GMDS: variants seen among roughly 807,000 people sequenced by gnomAD.
GMDS encodes the protein GDP-mannose 4,6 dehydratase.
A neutral mutation model predicts 49.9 loss-of-function variants in GMDS; 20 were observed. That is an observed-to-expected ratio of 0.40 (90% CI 0.28 to 0.58). The LOEUF is 0.58. Among genes scored for constraint, GMDS ranks in the 20% least tolerant of loss-of-function variants. The probability of loss-of-function intolerance (pLI) is 0.42; values close to 1 mark genes in which losing one functional copy is unlikely to be tolerated. For missense variants in GMDS, 362 were observed against 481.4 expected (o/e 0.75, Z 2.32); for synonymous variants, 177 against 178.6 (o/e 0.99, Z 0.07).
At chr6:1,728,518 C>T (rs1467451452) in intron 8 of GMDS, among the ~76,000 whole-genome samples, 3 of 152,220 alleles carry the variant, frequency 2.0e-5, no homozygotes, top group Admixed American at 1.3e-4. Context: ...CACCAATATT[C>T]CACTGTTCTT....
intron 7 of GMDS, among the ~76,000 whole-genome samples, chr6:1,877,643 T>TCAAAAAAAAAAAA (rs776232284): frequency 3.9e-5 from 2 of 51,826 alleles, no homozygotes; most frequent in African/African-American, 8.5e-5. Context: ...ATCTCAAAAA[T>TCAAAAAAAAAAAA]TAAAAAAAAA....
intron 9 of GMDS, among the ~76,000 whole-genome samples, chr6:1,720,289 G>A (rs1486183471): frequency 6.6e-6 from 1 of 152,054 alleles, no homozygotes; most frequent in East Asian, 1.9e-4. Context: ...TGGCCCTTGG[G>A]GATTTGTATG....
chr6:2,206,380 C>T (rs532126375), intron 1 of GMDS, among the ~76,000 whole-genome samples: 1 of 152,120 alleles, frequency 6.6e-6, no homozygotes, highest in South Asian at 2.1e-4. Flanking sequence ...GGTCAGACTC[C>T]AGGGGTGCCT....
At chr6:2,141,459 T>C (rs1308360530) in intron 1 of GMDS, among the ~76,000 whole-genome samples, 1 of 152,184 alleles carries the variant, frequency 6.6e-6, no homozygotes, top group Non-Finnish European at 1.5e-5. Flanking sequence ...TTCAAAATAT[T>C]GAATAACCTG....
chr6:1,714,581 G>A (rs1022550), intron 9 of GMDS, among the ~76,000 whole-genome samples: 119,339 of 152,132 alleles, frequency 0.78, 46,951 homozygotes, highest in East Asian at 1. Flanking sequence ...AGAGAAACGC[G>A]TGTCATGGGG....
intron 9 of GMDS, among the ~76,000 whole-genome samples, chr6:1,649,430 C>A (rs958657352): frequency 6.6e-6 from 1 of 152,162 alleles, no homozygotes; most frequent in African/African-American, 2.4e-5. Context: ...GATACTTATG[C>A]CATGAACATT....
intron 7 of GMDS, among the ~76,000 whole-genome samples, chr6:1,897,339 A>C (rs1443521019): frequency 6.6e-6 from 1 of 152,164 alleles, no homozygotes; most frequent in Non-Finnish European, 1.5e-5. Flanking sequence ...TGTTTAAATA[A>C]CTTATCTCCA....
intron 4 of GMDS, among the ~76,000 whole-genome samples, chr6:2,016,087 TA>T (rs375828300): frequency 0.019 from 2,614 of 134,738 alleles, 65 homozygotes; most frequent in African/African-American, 0.063. Flanking sequence ...AAAAATAAAT[TA>T]AAAAAAAAAA....
chr6:2,242,357 C>A (rs955147197), intron 1 of GMDS, among the ~76,000 whole-genome samples: 1 of 152,186 alleles, frequency 6.6e-6, no homozygotes, highest in East Asian at 1.9e-4. Context: ...AAAGCCAGAG[C>A]CTGAGCTTCT....
intron 7 of GMDS, among the ~76,000 whole-genome samples, chr6:1,789,532 C>CTTTTT (rs59996305): frequency 1.4e-5 from 2 of 141,266 alleles, no homozygotes; most frequent in Non-Finnish European, 1.6e-5. Flanking sequence ...TTTCTTTTTT[C>CTTTTT]TTTTTTTTTT....
chr6:1,930,089 G>A lies in GMDS; in HGVS notation c.771+14C>T. 6.2e-7 allele frequency: 1 copy of A among 1,600,494 alleles called. No homozygotes were observed. The highest frequency in any genetic ancestry group is 8.5e-7 in the Non-Finnish European group (1 of 1,171,608). ...ATACGGGTATTTTCAAGAATGTAAT[G>A]TGTCAGTTCCTACCTCCACATAGTC... On this transcript the variant is annotated intron_variant, in intron 7 of 10. Transcript: ENST00000380815.
chr6:2,106,862 C>CAAAA (rs201682831), intron 4 of GMDS, among the ~76,000 whole-genome samples: 1 of 134,788 alleles, frequency 7.4e-6, no homozygotes, highest in African/African-American at 3.1e-5. Flanking sequence ...GACTCTGTCT[C>CAAAA]AAAAAAAGAA....
chr6:1,643,548 G>T (rs1024587234), intron 9 of GMDS, among the ~76,000 whole-genome samples: 8 of 152,164 alleles, frequency 5.3e-5, no homozygotes, highest in Admixed American at 5.2e-4. Flanking sequence ...TTGTGGGGAT[G>T]CTGGTCAAAG....
chr6:1,671,605 T>C (rs906551835), intron 9 of GMDS, among the ~76,000 whole-genome samples: 28 of 152,040 alleles, frequency 1.8e-4, no homozygotes, highest in African/African-American at 6.5e-4. Flanking sequence ...CATCCCTAAG[T>C]ATGTATAAGA....
At chr6:1,755,079 G>C (rs994435930) in intron 7 of GMDS, among the ~76,000 whole-genome samples, 2 of 152,158 alleles carry the variant, frequency 1.3e-5, no homozygotes, top group African/African-American at 4.8e-5. Context: ...AACAGGAAGA[G>C]AGTAAGTCAA....
chr6:1,664,236 C>T (rs1019966032), intron 9 of GMDS, among the ~76,000 whole-genome samples: 1 of 152,200 alleles, frequency 6.6e-6, no homozygotes, highest in African/African-American at 2.4e-5. Context: ...CCCTTTGCTA[C>T]TTGAATCTTG....
At chr6:1,825,832 A>G (rs1771086199) in intron 7 of GMDS, among the ~76,000 whole-genome samples, 1 of 152,196 alleles carries the variant, frequency 6.6e-6, no homozygotes, top group Non-Finnish European at 1.5e-5. Flanking sequence ...CCTGGCAGAC[A>G]TGGCGAAACC....
chr6:2,231,942 G>A (rs1360401201), intron 1 of GMDS, among the ~76,000 whole-genome samples: 1 of 152,038 alleles, frequency 6.6e-6, no homozygotes, highest in Non-Finnish European at 1.5e-5. Flanking sequence ...AATGAAATTG[G>A]ACAAATGAAA....
At chr6:2,042,534 TG>T (rs1404679713) in intron 4 of GMDS, among the ~76,000 whole-genome samples, 1 of 152,160 alleles carries the variant, frequency 6.6e-6, no homozygotes, top group Non-Finnish European at 1.5e-5. Context: ...ATGGGAAAAT[TG>T]TTCCAAAACA....
Sources: allele counts gnomAD v4.1 joint callset (sites outside exome capture counted in the v4.1 genomes callset), GRCh38; gene constraint gnomAD v4.1.1; transcripts MANE v1.5; gene names NCBI Gene and HGNC (gene_info 2026-07-23, HGNC 2026-07-21).